GRIK2: variants seen among roughly 807,000 people sequenced by gnomAD.
GRIK2 encodes glutamate ionotropic receptor kainate type subunit 2.
GRIK2 carries 32 observed loss-of-function variants against 100.3 expected under a neutral mutation model. The observed-to-expected ratio is 0.32, with a 90% CI of 0.24 to 0.43. The LOEUF is 0.43. GRIK2 is among the 20% of genes least tolerant of loss of function. The pLI is 1.00. For missense variants in GRIK2, 843 were observed against 1,114.9 expected (o/e 0.76, Z 3.47); for synonymous variants, 417 against 389.4 (o/e 1.07, Z -0.83).
At position 101,409,114 on chromosome 6, in the gene GRIK2, G is replaced by A. The variant is rs956994279; in HGVS notation, c.115+9722G>A. On this transcript the variant is annotated intron_variant, in intron 2 of 16. Transcript: ENST00000369134. ...ATTACCTGAAACATTGTGTATGTGT[G>A]TGTGTGTGTGTGTGTGTGTGTGTGT... Among the ~76,000 whole-genome samples the A allele has an allele frequency of 1.6e-3, 97 of 59,474 alleles. 1 individual carries two copies. The East Asian group carries it at 0.036, about 22-fold the overall frequency. The allele number at this position is 59,474 out of a possible 152,430, so 39.0% of individuals were successfully genotyped here.
At chr6:101,466,390 A>G (rs888222551) in intron 2 of GRIK2, among the ~76,000 whole-genome samples, 3 of 151,784 alleles carry the variant, frequency 2.0e-5, no homozygotes, top group Admixed American at 6.6e-5. Flanking sequence ...TTATATTACT[A>G]TTGTCAGGAA....
chr6:101,891,271 C>A (rs1787059519), intron 12 of GRIK2, among the ~76,000 whole-genome samples: 2 of 151,772 alleles, frequency 1.3e-5, no homozygotes, highest in African/African-American at 4.8e-5. Context: ...GTAATCCCAG[C>A]ACTTTGGGAG....
chr6:101,937,647 A>G (rs1790698253), intron 14 of GRIK2, among the ~76,000 whole-genome samples: 2 of 152,206 alleles, frequency 1.3e-5, no homozygotes, highest in Non-Finnish European at 1.5e-5. Flanking sequence ...ATTGCTGAAT[A>G]GAAGCATCAT....
At chr6:101,928,242 T>C (rs1461603103) in intron 13 of GRIK2, 173 bp from the exon 14 acceptor site, 1 of 597,282 alleles carries the variant, frequency 1.7e-6, no homozygotes, top group Non-Finnish European at 3.0e-6. Context: ...GTCTATTTTC[T>C]GAAAATAGCC....
intron 2 of GRIK2, among the ~76,000 whole-genome samples, chr6:101,478,408 A>C (rs965150614): frequency 2.0e-5 from 3 of 152,040 alleles, no homozygotes; most frequent in Admixed American, 6.5e-5. Context: ...AAGAAATTAA[A>C]AGAATTTAAA....
intron 2 of GRIK2, among the ~76,000 whole-genome samples, chr6:101,559,418 C>A (rs1776895679): frequency 6.6e-6 from 1 of 152,142 alleles, no homozygotes; most frequent in South Asian, 2.1e-4. Context: ...TATTCCTACT[C>A]TATATGCCTT....
rs1780017057 is a variant in GRIK2 at position 101,618,844 on chromosome 6, T to C, written c.116-3105T>C. Among the ~76,000 whole-genome samples, 10 of 151,476 alleles carry C rather than the reference T, an allele frequency of 6.6e-5. No individual in the cohort carries two copies. The Admixed American group carries it at 6.6e-4, about 10-fold the overall frequency. On this transcript the variant is annotated intron_variant, in intron 2 of 16. Coordinates refer to ENST00000369134, the MANE Select transcript of GRIK2 (RefSeq NM_021956.5). ...TAAAGAAGAGTGGATATTGTAGACATTTTATCTTTTTCCTGACCTTAATGG... is the reference window on the plus strand; with the variant it reads ...TAAAGAAGAGTGGATATTGTAGACACTTTATCTTTTTCCTGACCTTAATGG...
chr6:101,626,754 T>A, intron 4 of GRIK2, 117 bp downstream of exon 4: 1 of 838,032 alleles, frequency 1.2e-6, no homozygotes, highest in Admixed American at 2.8e-5. Context: ...AAAATTCAGC[T>A]AAGGGGTAGA....
chr6:102,029,572 T>C (rs1278768527), intron 14 of GRIK2, among the ~76,000 whole-genome samples: 1 of 151,258 alleles, frequency 6.6e-6, no homozygotes, highest in Non-Finnish European at 1.5e-5. Flanking sequence ...TTCAACAACT[T>C]TTTGCTTTAT....
At position 101,909,030 on chromosome 6, in the gene GRIK2, T is replaced by C. The variant is rs961955090; in HGVS notation, c.1749-15571T>C. Among the ~76,000 whole-genome samples, 121 of 151,374 alleles carry C rather than the reference T, an allele frequency of 8.0e-4. 1 individual carries two copies. Among genetic ancestry groups the C allele is most frequent in the Non-Finnish European group, 1.0e-4 (7 of 67,510 alleles). On this transcript the variant is annotated intron_variant, in intron 12 of 16. Transcript: ENST00000369134. Reference sequence around the variant, plus strand: ...TAAAGGATTCTCTTCAAAAAAATAATTTTAAACAGTGTTTGAAATTATTAG... The same window carrying C: ...TAAAGGATTCTCTTCAAAAAAATAACTTTAAACAGTGTTTGAAATTATTAG...
chr6:101,404,357 T>C (rs1775490566), intron 2 of GRIK2, among the ~76,000 whole-genome samples: 2 of 152,260 alleles, frequency 1.3e-5, no homozygotes, highest in South Asian at 4.1e-4. Flanking sequence ...CATAAAGTGT[T>C]GTCTATGATA....
intron 2 of GRIK2, among the ~76,000 whole-genome samples, chr6:101,481,398 G>T (rs899235073): frequency 1.3e-5 from 2 of 152,102 alleles, no homozygotes; most frequent in African/African-American, 4.8e-5. Flanking sequence ...TCTACATGTG[G>T]AAGTGTGGAG....
intron 2 of GRIK2, among the ~76,000 whole-genome samples, chr6:101,618,299 A>G (rs145727817): frequency 1.1e-4 from 17 of 151,668 alleles, no homozygotes; most frequent in African/African-American, 3.4e-4. Context: ...ATGGAAAACT[A>G]TGGATTCTGT....
chr6:101,642,179 T>C (rs540121304), intron 4 of GRIK2, among the ~76,000 whole-genome samples: 1 of 151,960 alleles, frequency 6.6e-6, no homozygotes, highest in South Asian at 2.1e-4. Context: ...TAAACATTTG[T>C]AGTTTTCTTA....
In GRIK2 at chr6:101,973,179, T is replaced by C. The variant is rs73763608; in HGVS notation, c.2085+44547T>C. ...CATAAAAACTTCAGCGGCTGAAAAA[T>C]CATCTGAAAGACTTTTTAAAAATGT... On this transcript the variant is annotated intron_variant, in intron 14 of 16. Coordinates refer to ENST00000369134, the MANE Select transcript of GRIK2 (RefSeq NM_021956.5). Among the ~76,000 whole-genome samples, 517 of 151,952 alleles carry C rather than the reference T, an allele frequency of 3.4e-3. 2 individuals carry two copies. The highest frequency in any genetic ancestry group is 0.012 in the African/African-American group (499 of 41,506).
intron 2 of GRIK2, among the ~76,000 whole-genome samples, chr6:101,521,041 C>A (rs72957154): frequency 0.15 from 22,500 of 151,822 alleles, 1,875 homozygotes; most frequent in Admixed American, 0.2. Context: ...TAATATTTGA[C>A]CATGCCAGTT....
At chr6:101,508,832 C>A (rs1411903636) in intron 2 of GRIK2, among the ~76,000 whole-genome samples, 1 of 151,996 alleles carries the variant, frequency 6.6e-6, no homozygotes, top group South Asian at 2.1e-4. Flanking sequence ...AATTAGTTAA[C>A]TTTGCCAAGT....
At chr6:101,887,867 C>T (rs1373982430) in intron 11 of GRIK2, among the ~76,000 whole-genome samples, 2 of 152,164 alleles carry the variant, frequency 1.3e-5, no homozygotes, top group South Asian at 2.1e-4. Flanking sequence ...CCGCCAAGCC[C>T]GACCTTCAAC....
chr6:101,488,874 A>G (rs1772962627), intron 2 of GRIK2, among the ~76,000 whole-genome samples: 1 of 146,484 alleles, frequency 6.8e-6, no homozygotes, highest in South Asian at 2.1e-4. Context: ...ACATGTAAAT[A>G]AAACTATTGG....
Sources: allele counts gnomAD v4.1 joint callset (sites outside exome capture counted in the v4.1 genomes callset), GRCh38; gene constraint gnomAD v4.1.1; transcripts MANE v1.5; gene names NCBI Gene and HGNC (gene_info 2026-07-23, HGNC 2026-07-21).